Variants in VRK1 observed in about 807,000 individuals in gnomAD.
The protein encoded by VRK1 is serine/threonine-protein kinase VRK1.
Under a neutral mutation model 57.1 loss-of-function variants are expected in VRK1, and 33 were observed. The observed-to-expected ratio is 0.58, with a 90% CI of 0.44 to 0.77. The LOEUF is 0.77. VRK1 is among the 30% of genes least tolerant of loss of function. The pLI is 0.00. For missense variants in VRK1, 413 were observed against 477.3 expected (o/e 0.87, Z 1.25); for synonymous variants, 137 against 147.8 (o/e 0.93, Z 0.53).
Position 96,881,302 on chromosome 14 carries a change from G to C in VRK1, c.*94G>C. ...ACTGTTTTATTTTCCTGTGAGTCTT[G>C]CGAGGTGGAAGTAATGATTAAATAC... On this transcript the variant is annotated 3_prime_UTR_variant, in exon 13 of 13. Transcript: ENST00000216639. 8.5e-7 allele frequency: 1 copy of C among 1,180,182 alleles called. No homozygotes were observed. Among genetic ancestry groups the C allele is most frequent in the Non-Finnish European group, 1.2e-6 (1 of 821,602 alleles). The allele number at this position is 1,180,182 out of a possible 1,614,324, so 73.1% of individuals were successfully genotyped here.
intron 4 of VRK1, among the ~76,000 whole-genome samples, 183 bp from the exon 5 acceptor site, chr14:96,847,074 T>C (rs1406091632): frequency 6.6e-6 from 1 of 152,240 alleles, no homozygotes; most frequent in African/African-American, 2.4e-5. Flanking sequence ...TGTAGGTTAA[T>C]AAAAATGTTT....
Position 96,809,588 on chromosome 14 carries a change from T to C in VRK1, c.-6+12141T>C, listed in dbSNP as rs893995436. Among the ~76,000 whole-genome samples, 23 of 150,854 alleles carry C rather than the reference T, an allele frequency of 1.5e-4. No homozygotes were observed. The East Asian group carries it at 2.5e-3, about 17-fold the overall frequency. Reference sequence around the variant, plus strand: ...TTGCTTTCTTTTTTTTTTTTTTTTTTCTGAAACGAAGTCTCCCTTTGTCAC... The same window carrying C: ...TTGCTTTCTTTTTTTTTTTTTTTTTCCTGAAACGAAGTCTCCCTTTGTCAC... On this transcript the variant is annotated intron_variant, in intron 1 of 12. Coordinates refer to ENST00000216639, the MANE Select transcript of VRK1 (RefSeq NM_003384.3).
At chr14:96,831,596 A>G (rs1727343155) in intron 1 of VRK1, among the ~76,000 whole-genome samples, 1 of 152,222 alleles carries the variant, frequency 6.6e-6, no homozygotes, top group Admixed American at 6.5e-5. Flanking sequence ...TTTATTGACC[A>G]CAATTTACAT....
chr14:96,849,852 T>TA (rs1887879519), intron 5 of VRK1, among the ~76,000 whole-genome samples: 1 of 152,240 alleles, frequency 6.6e-6, no homozygotes, highest in Non-Finnish European at 1.5e-5. Flanking sequence ...CATTTTATGA[T>TA]AAAGTTCAGA....
At chr14:96,825,266 A>G (rs1375121958) in intron 1 of VRK1, among the ~76,000 whole-genome samples, 1 of 152,188 alleles carries the variant, frequency 6.6e-6, no homozygotes, top group Non-Finnish European at 1.5e-5. Flanking sequence ...TCTCTAAACT[A>G]GAGTAGGTCA....
chr14:96,846,609 C>G (rs1399662171), intron 4 of VRK1, among the ~76,000 whole-genome samples: 1 of 150,990 alleles, frequency 6.6e-6, no homozygotes, highest in African/African-American at 2.4e-5. Context: ...AGCAAGTAAA[C>G]ATTACATAAT....
intron 12 of VRK1, among the ~76,000 whole-genome samples, chr14:96,878,809 C>G (rs1479819239): frequency 2.0e-5 from 3 of 152,050 alleles, no homozygotes; most frequent in Non-Finnish European, 2.9e-5. Context: ...GTAATTTTTC[C>G]CCTCACAAAA....
At chr14:96,870,774 T>C (rs1163185413) in intron 11 of VRK1, among the ~76,000 whole-genome samples, 13 of 152,214 alleles carry the variant, frequency 8.5e-5, no homozygotes, top group South Asian at 8.3e-4. Context: ...TTGTAGATCA[T>C]GTAATCAAGG....
In VRK1 at chr14:96,876,104, G is replaced by A. The variant is rs745392801; in HGVS notation, c.1143G>A (p.Glu381=). The change falls in exon 12 of 13, where the codon GAG becomes GAA. Residue 381 remains glutamate, a synonymous_variant. Transcript: ENST00000216639. ...CGGAATGGTCAAACACACAGACAGA[G>A]GAGGCCATACAGACCCGTAAGTTGA... ...EDTEWSNTQT[E]EAIQTRSRTR... is the part of the protein sequence containing the mutation. The A allele has an allele frequency of 2.5e-6, 4 of 1,613,532 alleles. No individual in the cohort carries two copies. The highest frequency in any genetic ancestry group is 2.2e-5 in the South Asian group (2 of 91,088).
chr14:96,810,959 A>G (rs895994544), intron 1 of VRK1, among the ~76,000 whole-genome samples: 1 of 150,086 alleles, frequency 6.7e-6, no homozygotes, highest in African/African-American at 2.5e-5. Context: ...TTTTTTTGAG[A>G]TGGAGTGTCA....
chr14:96,807,744 C>G (rs777581649), intron 1 of VRK1, among the ~76,000 whole-genome samples: 11 of 152,096 alleles, frequency 7.2e-5, no homozygotes, highest in Non-Finnish European at 1.2e-4. Flanking sequence ...TGGGGTCCAA[C>G]CATGGGAGCT....
At chr14:96,835,979 T>G (rs1887196720) in intron 2 of VRK1, among the ~76,000 whole-genome samples, 1 of 152,198 alleles carries the variant, frequency 6.6e-6, no homozygotes, top group Non-Finnish European at 1.5e-5. Context: ...TCCAGTGTCC[T>G]TCAAATAAGG....
intron 3 of VRK1, 68 bp downstream of exon 3, chr14:96,837,885 T>G (rs1045683736): frequency 7.7e-5 from 88 of 1,136,030 alleles, no homozygotes; most frequent in Non-Finnish European, 1.0e-4. Context: ...AAAATGCCTT[T>G]TTTGATTAAC....
At chr14:96,861,306 A>T (rs960582011) in intron 11 of VRK1, among the ~76,000 whole-genome samples, 1 of 152,164 alleles carries the variant, frequency 6.6e-6, no homozygotes, top group Non-Finnish European at 1.5e-5. Context: ...GCATGTAAAG[A>T]ACTTCTGGCA....
chr14:96,826,328 G>A (rs558850581), intron 1 of VRK1, among the ~76,000 whole-genome samples: 2 of 152,232 alleles, frequency 1.3e-5, no homozygotes, highest in South Asian at 2.1e-4. Context: ...CTTGCTTTGT[G>A]TATTTAATAA....
intron 3 of VRK1, among the ~76,000 whole-genome samples, chr14:96,841,284 T>A (rs925012778): frequency 1.3e-5 from 2 of 152,218 alleles, no homozygotes; most frequent in African/African-American, 4.8e-5. Flanking sequence ...GTAACTTTAC[T>A]TTTACTGCCT....
chr14:96,860,547 A>G lies in VRK1; in HGVS notation c.890-10A>G. On this transcript the variant is annotated splice_polypyrimidine_tract_variant and intron_variant, in intron 10 of 12. Coordinates refer to ENST00000216639, the MANE Select transcript of VRK1 (RefSeq NM_003384.3). ...TTGAAAGTTATAAAATGATTGTGTT[A>G]TTCTTTTAGGTGAAATTGCCAAATA... is the stretch of plus-strand genomic sequence containing the variant. 1.2e-6 allele frequency: 2 copies of G among 1,609,710 alleles called. No homozygotes were observed. Among genetic ancestry groups the G allele is most frequent in the Non-Finnish European group, 1.7e-6 (2 of 1,176,728 alleles).
At chr14:96,864,195 T>C (rs1888494591) in intron 11 of VRK1, among the ~76,000 whole-genome samples, 1 of 152,212 alleles carries the variant, frequency 6.6e-6, no homozygotes, top group Non-Finnish European at 1.5e-5. Flanking sequence ...TTTGAACTTC[T>C]TATTTGGCTG....
intron 11 of VRK1, among the ~76,000 whole-genome samples, chr14:96,865,613 C>G (rs1888555033): frequency 6.6e-6 from 1 of 152,192 alleles, no homozygotes; most frequent in Admixed American, 6.5e-5. Context: ...TCGGAAAGAA[C>G]TGACATCTTC....
Sources: gnomAD v4.1 joint callset for allele counts (sites outside exome capture counted in the v4.1 genomes callset) on GRCh38, gnomAD v4.1.1 for gene constraint, MANE v1.5 for transcripts, NCBI Gene and HGNC (gene_info 2026-07-23, HGNC 2026-07-21) for gene names.